Variants in SLC4A5 observed in about 807,000 individuals in gnomAD.
SLC4A5 encodes the protein solute carrier family 4 member 5, also known as electrogenic sodium bicarbonate cotransporter 4.
In SLC4A5, 96 loss-of-function variants were observed where a neutral mutation model predicts 120.4. The observed-to-expected ratio is 0.80, with a 90% CI of 0.68 to 0.94. SLC4A5 has a LOEUF of 0.94. Ranked by LOEUF, SLC4A5 falls within the 40% of genes least tolerant of loss-of-function variation. SLC4A5 has a pLI of 0.00. For synonymous variants in SLC4A5, 550 were observed against 571.1 expected (o/e 0.96, Z 0.53); for missense variants, 1,259 against 1,459.5 (o/e 0.86, Z 2.24).
At chr2:74,253,860 A>G (rs925561779) in intron 14 of SLC4A5, among the ~76,000 whole-genome samples, 8 of 152,220 alleles carry the variant, frequency 5.3e-5, no homozygotes, top group African/African-American at 1.4e-4. Context: ...ACTCGTAGGA[A>G]TGCTAGTTTT....
At chr2:74,239,302 G>A (rs905285382) in intron 21 of SLC4A5, 33 bp downstream of exon 21, 4 of 1,602,192 alleles carry the variant, frequency 2.5e-6, no homozygotes, top group Non-Finnish European at 3.4e-6. Flanking sequence ...CTGTCTGACT[G>A]CAGGTCCCCT....
intron 8 of SLC4A5, among the ~76,000 whole-genome samples, chr2:74,268,944 C>G (rs1236870610): frequency 1.3e-5 from 2 of 152,190 alleles, no homozygotes; most frequent in African/African-American, 4.8e-5. Flanking sequence ...TAACCAGGCA[C>G]CTGGTGGGAT....
At chr2:74,232,443 G>C (rs1400118938) in intron 24 of SLC4A5, 26 bp downstream of exon 24, 2 of 1,601,320 alleles carry the variant, frequency 1.2e-6, no homozygotes, top group Non-Finnish European at 1.7e-6. Context: ...CCCATTGGGT[G>C]ATCCCTAGGC....
chr2:74,276,091 A>G (rs1461303412), intron 8 of SLC4A5, among the ~76,000 whole-genome samples: 1 of 152,146 alleles, frequency 6.6e-6, no homozygotes, highest in Non-Finnish European at 1.5e-5. Context: ...TGGTTTTTAT[A>G]TATTTAAAGC....
intron 3 of SLC4A5, among the ~76,000 whole-genome samples, chr2:74,336,171 G>A (rs181418971): frequency 5.1e-4 from 77 of 152,212 alleles, no homozygotes; most frequent in African/African-American, 1.7e-3. Context: ...AGGCTCAAGC[G>A]ATTCTCCTGC....
chr2:74,254,891 C>T (rs1670913029), intron 13 of SLC4A5, among the ~76,000 whole-genome samples, 185 bp from the exon 14 acceptor site: 1 of 151,280 alleles, frequency 6.6e-6, no homozygotes. Context: ...GCAATCTTGG[C>T]TCACTGCAAC....
At chr2:74,277,038 G>T (rs536550400) in intron 8 of SLC4A5, among the ~76,000 whole-genome samples, 119 of 152,252 alleles carry the variant, frequency 7.8e-4, no homozygotes, top group African/African-American at 2.8e-3. Context: ...TGCCCCTGGG[G>T]ACTATGAAGT....
chr2:74,315,378 T>C (rs927511917), intron 5 of SLC4A5, among the ~76,000 whole-genome samples: 1 of 148,320 alleles, frequency 6.7e-6, no homozygotes, highest in African/African-American at 2.5e-5. Context: ...AGGTGGAGGT[T>C]GCAATGAGCT....
chr2:74,296,337 A>C (rs934227126), intron 7 of SLC4A5, among the ~76,000 whole-genome samples: 1 of 152,128 alleles, frequency 6.6e-6, no homozygotes, highest in Non-Finnish European at 1.5e-5. Flanking sequence ...AATGATCTTT[A>C]TCCTTTCTCC....
intron 26 of SLC4A5, chr2:74,227,429 A>T (rs1222863107): frequency 6.6e-7 from 1 of 1,506,652 alleles, no homozygotes; most frequent in East Asian, 2.3e-5. Context: ...GAATTCTGGG[A>T]TTTCACAGTA....
At chr2:74,234,387 C>T (rs1250248263) in intron 22 of SLC4A5, among the ~76,000 whole-genome samples, 1 of 152,152 alleles carries the variant, frequency 6.6e-6, no homozygotes, top group Admixed American at 6.5e-5. Flanking sequence ...CACCGTTACC[C>T]AAGATGGTCT....
intron 15 of SLC4A5, among the ~76,000 whole-genome samples, 155 bp downstream of exon 15, chr2:74,252,819 C>T (rs1297585812): frequency 1.3e-5 from 2 of 152,180 alleles, no homozygotes; most frequent in Non-Finnish European, 2.9e-5. Flanking sequence ...AACTCCTGGG[C>T]TCAAGTGATC....
intron 18 of SLC4A5, 99 bp downstream of exon 18, chr2:74,248,254 G>T: frequency 6.8e-7 from 1 of 1,479,304 alleles, no homozygotes; most frequent in Non-Finnish European, 9.1e-7. Flanking sequence ...TGGCACCACC[G>T]CACCACCACC....
intron 4 of SLC4A5, 63 bp downstream of exon 4, chr2:74,333,964 C>T (rs1278501039): frequency 6.6e-6 from 1 of 152,170 alleles, no homozygotes; most frequent in East Asian, 1.9e-4. Flanking sequence ...ATTTGGGGGC[C>T]CTGGCAGGCT....
intron 20 of SLC4A5, 55 bp from the exon 21 acceptor site, chr2:74,239,590 G>T: frequency 6.4e-7 from 1 of 1,572,498 alleles, no homozygotes; most frequent in Non-Finnish European, 8.7e-7. Context: ...TGAGTCAGCT[G>T]TGTCCTTCCC....
chr2:74,319,500 A>G (rs891897166), intron 5 of SLC4A5: 5 of 148,376 alleles, frequency 3.4e-5, no homozygotes, highest in Admixed American at 1.3e-4. Flanking sequence ...AAGATAGTTA[A>G]TATCTTCAAG....
At chr2:74,220,073 G>A (rs1237960854) in intron 30 of SLC4A5, among the ~76,000 whole-genome samples, 1 of 152,248 alleles carries the variant, frequency 6.6e-6, no homozygotes, top group East Asian at 1.9e-4. Flanking sequence ...AGCCTGTGCT[G>A]TAATTACTGT....
chr2:74,226,834 C>A (rs1355276827), intron 27 of SLC4A5, 123 bp downstream of exon 27: 2 of 1,164,272 alleles, frequency 1.7e-6, no homozygotes, highest in Non-Finnish European at 2.5e-6. Context: ...CCTCCGTGAC[C>A]CGAGGGAGCC....
intron 7 of SLC4A5, among the ~76,000 whole-genome samples, chr2:74,287,777 AT>A (rs1672030630): frequency 6.6e-6 from 1 of 151,844 alleles, no homozygotes; most frequent in South Asian, 2.1e-4. Flanking sequence ...TCAGATCCTT[AT>A]TTCATCAGCT....
Sources: allele counts gnomAD v4.1 joint callset (sites outside exome capture counted in the v4.1 genomes callset), GRCh38; gene constraint gnomAD v4.1.1; transcripts MANE v1.5; gene names NCBI Gene and HGNC (gene_info 2026-07-23, HGNC 2026-07-21).